MMAB: variants seen among roughly 807,000 people sequenced by gnomAD.
MMAB encodes the protein metabolism of cobalamin associated B, also known as corrinoid adenosyltransferase MMAB.
In MMAB, 17 loss-of-function variants were observed where a neutral mutation model predicts 30.6. That is an observed-to-expected ratio of 0.56 (90% CI 0.38 to 0.83). The LOEUF (loss-of-function observed/expected upper bound fraction) is 0.83. Ranked by LOEUF, MMAB falls within the 40% of genes least tolerant of loss-of-function variation. The pLI, the probability that MMAB is intolerant of heterozygous loss-of-function variation, is 0.00. For synonymous variants in MMAB, 134 were observed against 138.6 expected (o/e 0.97, Z 0.23); for missense variants, 311 against 331.6 (o/e 0.94, Z 0.48).
In MMAB at chr12:109,573,342, C is replaced by A. The variant is rs754533701; in HGVS notation, c.134+5G>T. 1 of 1,613,296 alleles carries A rather than the reference C, an allele frequency of 6.2e-7. No individual in the cohort carries two copies. The highest frequency in any genetic ancestry group is 1.7e-5 in the Admixed American group (1 of 60,016). On this transcript the variant is annotated splice_donor_5th_base_variant and intron_variant, in intron 1 of 8. Transcript: ENST00000545712. Reference sequence around the variant, plus strand: ...TTCGAGTTGCCCTTCCCGCCAGCCACTCACCTGTCCCCGTCTTCCACGCCC... The same window carrying A: ...TTCGAGTTGCCCTTCCCGCCAGCCAATCACCTGTCCCCGTCTTCCACGCCC...
In MMAB at chr12:109,569,052, T is replaced by C. The variant is rs1255715498; in HGVS notation, c.197-189A>G. Among the ~76,000 whole-genome samples the C allele has an allele frequency of 6.6e-6, 1 of 152,138 alleles. No individual in the cohort carries two copies. Among genetic ancestry groups the C allele is most frequent in the Non-Finnish European group, 1.5e-5 (1 of 68,018 alleles). On this transcript the variant is annotated intron_variant, in intron 2 of 8. Transcript: ENST00000545712. This position sits in a 1 kb window ranked among gnomAD's most constrained non-coding sequence, Gnocchi z 4.1. ...CCTCCCCCTCCCAGGTTCAAGTGAT[T>C]CTCATGCCTCAGTCTCCCAAGTAGC...
rs111235348 is a variant in MMAB, at chr12:109,570,873, C to CAAAA, written c.196+772_196+775dup. Among the ~76,000 whole-genome samples the CAAAA allele has an allele frequency of 4.3e-5, 4 of 92,368 alleles. 1 individual carries two copies. The highest frequency in any genetic ancestry group is 8.7e-5 in the Non-Finnish European group (4 of 46,106). The allele number at this position is 92,368 out of a possible 152,430, so 60.6% of individuals were successfully genotyped here. A position where few individuals can be genotyped will look rare whatever the true frequency, so the allele number is the denominator to read the frequency against. On this transcript the variant is annotated intron_variant, in intron 2 of 8. Coordinates refer to ENST00000545712, the MANE Select transcript of MMAB (RefSeq NM_052845.4). ...TGGGTGACAGAGTAAAACCCTGTAT[C>CAAAA]AAAAAAAAAAAAAAAAAAGGATCAT...
intron 4 of MMAB, among the ~76,000 whole-genome samples, chr12:109,563,384 T>A (rs897727714): frequency 6.6e-6 from 1 of 152,180 alleles, no homozygotes; most frequent in African/African-American, 2.4e-5. Flanking sequence ...ATGGGTGATA[T>A]GAGGAAAGCA....
Position 109,569,814 on chromosome 12 carries a change from G to A in MMAB, c.197-951C>T, listed in dbSNP as rs778005994. ...TTCGAGACCAAGACAAGGCCACTGC[G>A]GAAGAACGTCTGAGCACAGACGACT... On this transcript the variant is annotated intron_variant, in intron 2 of 8. Coordinates refer to ENST00000545712, the MANE Select transcript of MMAB (RefSeq NM_052845.4). This position sits in a 1 kb window ranked among gnomAD's most constrained non-coding sequence, Gnocchi z 4.1. Among the ~76,000 whole-genome samples, 3 of 152,214 alleles carry A rather than the reference G, an allele frequency of 2.0e-5. No homozygotes were observed. Among genetic ancestry groups the A allele is most frequent in the Non-Finnish European group, 4.4e-5 (3 of 68,042 alleles).
chr12:109,564,286 G>T (rs541269042), intron 4 of MMAB, among the ~76,000 whole-genome samples: 1 of 151,896 alleles, frequency 6.6e-6, no homozygotes, highest in South Asian at 2.1e-4. Context: ...GTTGAGAACC[G>T]TTGCATTTTA....
rs79621521 is a variant in MMAB, at chr12:109,569,237, G to A, written c.197-374C>T. On this transcript the variant is annotated intron_variant, in intron 2 of 8. Transcript: ENST00000545712. This position sits in a 1 kb window ranked among gnomAD's most constrained non-coding sequence, Gnocchi z 4.1. ...GCTGAGATTACAGGCATGAGCCACCGTACCACCCCTTAAAGAACTTTCAAC... is the reference window on the plus strand; with the variant it reads ...GCTGAGATTACAGGCATGAGCCACCATACCACCCCTTAAAGAACTTTCAAC... Among the ~76,000 whole-genome samples, 1,180 of 152,212 alleles carry A rather than the reference G, an allele frequency of 7.8e-3. 16 individuals are homozygous for A. The highest frequency in any genetic ancestry group is 0.028 in the African/African-American group (1,148 of 41,530).
Position 109,558,473 on chromosome 12 carries a change from A to C in MMAB, c.644+623T>G, listed in dbSNP as rs1372044197. ...TGCAGACCTGCTCCCCCAGCTCTCT[A>C]CCTGCCCCCAGGCTCTGGCCTTGCC... On this transcript the variant is annotated intron_variant, in intron 8 of 8. Coordinates refer to ENST00000545712, the MANE Select transcript of MMAB (RefSeq NM_052845.4). This position sits in a 1 kb window ranked among gnomAD's most constrained non-coding sequence, Gnocchi z 4.3. Among the ~76,000 whole-genome samples the C allele has an allele frequency of 6.6e-6, 1 of 151,988 alleles. No homozygotes were observed. The highest frequency in any genetic ancestry group is 2.4e-5 in the African/African-American group (1 of 41,404).
chr12:109,572,710 C>A (rs753953973), intron 1 of MMAB, among the ~76,000 whole-genome samples: 1 of 152,022 alleles, frequency 6.6e-6, no homozygotes, highest in Non-Finnish European at 1.5e-5. Flanking sequence ...TCTATCCTAC[C>A]CAAATTTTTA....
chr12:109,566,659 G>C (rs1043503374), intron 3 of MMAB, among the ~76,000 whole-genome samples: 2 of 152,170 alleles, frequency 1.3e-5, no homozygotes, highest in African/African-American at 2.4e-5. Context: ...AGCTCAGGAA[G>C]GTGGGGCTGA....
intron 3 of MMAB, chr12:109,567,076 A>T: frequency 2.2e-6 from 1 of 455,688 alleles, no homozygotes; most frequent in South Asian, 1.5e-5. Context: ...AGTAATAATG[A>T]GGAGACTCGC....
In MMAB at chr12:109,573,390, G is replaced by A. The variant is rs142447736; in HGVS notation, c.91C>T (p.Arg31Cys). The A allele has an allele frequency of 1.3e-4, 205 of 1,612,304 alleles. No individual in the cohort carries two copies. Among genetic ancestry groups the A allele is most frequent in the Non-Finnish European group, 1.6e-4 (192 of 1,179,770 alleles). The change falls in exon 1 of 9, where the codon CGT becomes TGT. Residue 31 changes from arginine to cysteine, a missense_variant. Arg to Cys is a radical substitution (Grantham distance 180). Transcript: ENST00000545712. ...CCCTGAGGGCCGCGGCTCTGGAAAC[G>A]GGGATACAGGAGCCTGGCGGCGCCG... ...CFGAARLLYP[R>C]FQSRGPQGVE... is the part of the protein sequence containing the mutation.
In MMAB at chr12:109,568,878, GT is replaced by G; in HGVS notation, c.197-16del. 6.4e-7 allele frequency: 1 copy of G among 1,572,110 alleles called. No individual in the cohort carries two copies. Among genetic ancestry groups the G allele is most frequent in the Non-Finnish European group, 8.8e-7 (1 of 1,142,268 alleles). ...ACTAGAAAACCCTGTGGAAAAAAAT[GT>G]TTAGCCACCCAAATTAAGATTCTGT... On this transcript the variant is annotated splice_polypyrimidine_tract_variant and intron_variant, in intron 2 of 8. Transcript: ENST00000545712.
At chr12:109,560,970 T>TGGGGGGC in intron 7 of MMAB, 70 bp downstream of exon 7, 2 of 808,204 alleles carry the variant, frequency 2.5e-6, no homozygotes. Context: ...CTCCTCTCCC[T>TGGGGGGC]CTCCCTCCCC....
At position 109,561,630 on chromosome 12, in the gene MMAB, G is replaced by A; in HGVS notation, c.422-113C>T. The A allele has an allele frequency of 8.2e-7, 1 of 1,218,680 alleles. No homozygotes were observed. The highest frequency in any genetic ancestry group is 2.0e-5 in the Admixed American group (1 of 50,596). 75.5% of individuals were successfully genotyped at this position (1,218,680 alleles called of 1,614,324 possible). A position where few individuals can be genotyped will look rare whatever the true frequency, so the allele number is the denominator to read the frequency against. ...GGTGTCCCGCAGACTGCTTCCACTG[G>A]CTCAGAAGGTACCTTCCCTCCCAGG... On this transcript the variant is annotated intron_variant, in intron 5 of 8. Coordinates refer to ENST00000545712, the MANE Select transcript of MMAB (RefSeq NM_052845.4). This position sits in a 1 kb window ranked among gnomAD's most constrained non-coding sequence, Gnocchi z 5.3.
In MMAB at chr12:109,561,846, A is replaced by T; in HGVS notation, c.355T>A (p.Cys119Ser). The change falls in exon 5 of 9, where the codon TGC (cysteine) becomes AGC (serine). Residue 119 changes from cysteine (C) to serine (S), a missense_variant. Transcript: ENST00000545712. The surrounding 1 kb of genome is among the most constrained non-coding windows in gnomAD (Gnocchi z 5.3). ...TFAEELQKIQ[C>S]TLQDVGSALA... Reference sequence around the variant, plus strand: ...GCCGAGCCGACGTCCTGCAATGTGCACTGGATCTGGGGGGCGACAGAAAGT... The same window carrying T: ...GCCGAGCCGACGTCCTGCAATGTGCTCTGGATCTGGGGGGCGACAGAAAGT... 5.0e-6 allele frequency: 8 copies of T among 1,605,778 alleles called. No individual in the cohort carries two copies. Among genetic ancestry groups the T allele is most frequent in the Non-Finnish European group, 6.0e-6 (7 of 1,175,592 alleles).
At chr12:109,564,472 C>G (rs1432578727) in intron 4 of MMAB, among the ~76,000 whole-genome samples, 1 of 151,534 alleles carries the variant, frequency 6.6e-6, no homozygotes, top group African/African-American at 2.4e-5. Context: ...CAGCCTCAAC[C>G]TGTAAGACTC....
rs74396957 is a variant in MMAB at position 109,558,695 on chromosome 12, C to T, written c.644+401G>A. 4.0e-4 allele frequency among the ~76,000 whole-genome samples: 61 copies of T among 152,086 alleles called. 1 individual carries two copies. In the East Asian group the frequency reaches 0.011, roughly 27 times the overall value. The stretch of plus-strand genomic sequence containing the variant: ...TCTTGTTGGTTCATGCTGCCGCAGG[C>T]CCTCTCGGGGACAGGAAACTGGCTG... On this transcript the variant is annotated intron_variant, in intron 8 of 8. Coordinates refer to ENST00000545712, the MANE Select transcript of MMAB (RefSeq NM_052845.4). The surrounding 1 kb of genome is among the most constrained non-coding windows in gnomAD (Gnocchi z 4.3).
At position 109,559,172 on chromosome 12, in the gene MMAB, C is replaced by T. The variant is rs755056072; in HGVS notation, c.585-17G>A. On this transcript the variant is annotated splice_polypyrimidine_tract_variant and intron_variant, in intron 7 of 8. Transcript: ENST00000545712. ...GGCACCACACTAGAAAGGGAGGAGA[C>T]ACTGAGTCACGTGACATTATGGGGC... is the stretch of plus-strand genomic sequence containing the variant. The T allele has an allele frequency of 7.5e-6, 12 of 1,606,096 alleles. No homozygotes were observed. The highest frequency in any genetic ancestry group is 3.3e-5 in the South Asian group (3 of 90,942).
At chr12:109,564,269 G>A (rs1391840860) in intron 4 of MMAB, among the ~76,000 whole-genome samples, 1 of 152,178 alleles carries the variant, frequency 6.6e-6, no homozygotes, top group Non-Finnish European at 1.5e-5. Context: ...GGGCAGAATG[G>A]CCCTGGGTTG....
Sources: allele counts gnomAD v4.1 joint callset (sites outside exome capture counted in the v4.1 genomes callset), GRCh38; gene constraint gnomAD v4.1.1; non-coding constraint Gnocchi (gnomAD v3.1); transcripts MANE v1.5; gene names NCBI Gene and HGNC (gene_info 2026-07-23, HGNC 2026-07-21).